Variants in NPC1 observed in about 807,000 individuals in gnomAD.
NPC1 encodes the protein NPC intracellular cholesterol transporter 1.
NPC1 carries 85 observed loss-of-function variants against 140.4 expected under a neutral mutation model. The observed-to-expected ratio is 0.61, with a 90% CI of 0.51 to 0.72. NPC1 has a LOEUF of 0.72. NPC1 is among the 30% of genes least tolerant of loss of function. The pLI is 0.00. For missense variants in NPC1, 1,504 were observed against 1,623.8 expected (o/e 0.93, Z 1.27); for synonymous variants, 656 against 624.8 (o/e 1.05, Z -0.74).
At position 23,541,050 on chromosome 18, in the gene NPC1, CCA is replaced by C; in HGVS notation, c.2514+16_2514+17del. On this transcript the variant is annotated intron_variant, in intron 16 of 24. Transcript: ENST00000269228. Reference sequence around the variant, plus strand: ...GTTTCAGTGAGAGGAAAGAGAAAAACCACAGATAAGCGCATACCACAATTGGT... The same window carrying C: ...GTTTCAGTGAGAGGAAAGAGAAAAACCAGATAAGCGCATACCACAATTGGT... 1 of 1,613,914 alleles carries C rather than the reference CCA, an allele frequency of 6.2e-7. No individual in the cohort carries two copies. The highest frequency in any genetic ancestry group is 8.5e-7 in the Non-Finnish European group (1 of 1,179,852).
intron 1 of NPC1, among the ~76,000 whole-genome samples, chr18:23,585,154 T>C (rs945826235): frequency 6.6e-6 from 1 of 152,232 alleles, no homozygotes; most frequent in African/African-American, 2.4e-5. Flanking sequence ...CTCTCTTTTT[T>C]GTTTTGACAC....
chr18:23,515,379 A>T (rs1359759722), intron 3 of NPC1, among the ~76,000 whole-genome samples: 6 of 152,166 alleles, frequency 3.9e-5, no homozygotes, highest in Admixed American at 3.9e-4. Flanking sequence ...AGAGTAAATG[A>T]GTTAGGAGGC....
chr18:23,539,004 T>TA (rs2058673219), intron 19 of NPC1: 1 of 448,560 alleles, frequency 2.2e-6, no homozygotes, highest in Non-Finnish European at 4.1e-6. Context: ...TCGACGCTCC[T>TA]ACAAAACCAC....
At chr18:23,574,989 A>T (rs1242460451) in intron 1 of NPC1, among the ~76,000 whole-genome samples, 1 of 152,264 alleles carries the variant, frequency 6.6e-6, no homozygotes, top group Non-Finnish European at 1.5e-5. Context: ...TTGAAAAGGC[A>T]AAAGCTGACT....
intron 1 of NPC1, among the ~76,000 whole-genome samples, chr18:23,582,427 C>T (rs147086420): frequency 7.9e-5 from 12 of 152,334 alleles, no homozygotes; most frequent in Middle Eastern, 3.4e-3. Context: ...TAGAAACCAA[C>T]TGCAAATCCA....
At chr18:23,564,407 A>G (rs1227048259) in intron 4 of NPC1, among the ~76,000 whole-genome samples, 5 of 152,094 alleles carry the variant, frequency 3.3e-5, no homozygotes, top group African/African-American at 1.2e-4. Flanking sequence ...CGAGGTACTT[A>G]GTGCAGCCTC....
At chr18:23,506,874 G>A (rs2057729814) in intron 3 of NPC1, 6 of 830,580 alleles carry the variant, frequency 7.2e-6, no homozygotes, top group Middle Eastern at 3.4e-4. Flanking sequence ...AGAATTTGCT[G>A]CCTCCTGAAT....
At chr18:23,529,466 T>TA, downstream of NPC1, 1 of 1,258,478 alleles carries the variant, frequency 7.9e-7, no homozygotes, top group Non-Finnish European at 1.1e-6. Flanking sequence ...TGCTGAGGCC[T>TA]AAAGCATAAT....
At chr18:23,540,100 TG>T (rs2058692231) in intron 17 of NPC1, 99 bp from the exon 18 acceptor site, 1 of 1,016,680 alleles carries the variant, frequency 9.8e-7, no homozygotes, top group African/African-American at 1.6e-5. Context: ...AGGAGGTTCC[TG>T]GCTGAGATGC....
chr18:23,551,797 A>G, intron 9 of NPC1, 70 bp from the exon 10 acceptor site: 1 of 1,029,096 alleles, frequency 9.7e-7, no homozygotes, highest in Non-Finnish European at 1.5e-6. Context: ...AAACATTTAC[A>G]CAGTGAACAT....
At chr18:23,524,819 T>C, downstream of NPC1, among the ~76,000 whole-genome samples, 1 of 151,698 alleles carries the variant, frequency 6.6e-6, no homozygotes, top group Non-Finnish European at 1.5e-5. Flanking sequence ...TTCCCACCGG[T>C]GTCCGTGCCC....
At chr18:23,525,511 A>G (rs192563447), downstream of NPC1, among the ~76,000 whole-genome samples, 718 of 151,818 alleles carry the variant, frequency 4.7e-3, 4 homozygotes, top group Admixed American at 7.9e-3. Flanking sequence ...TGCAACCTCC[A>G]ACTCCTGGGT....
At chr18:23,572,898 T>C (rs1186028109) in intron 2 of NPC1, among the ~76,000 whole-genome samples, 1 of 152,242 alleles carries the variant, frequency 6.6e-6, no homozygotes, top group East Asian at 1.9e-4. Context: ...TCATGTCGAC[T>C]TGACTTTTGA....
downstream of NPC1, chr18:23,530,719 A>G: frequency 9.7e-7 from 1 of 1,031,914 alleles, no homozygotes; most frequent in Non-Finnish European, 1.4e-6. Context: ...TGTAAACAAC[A>G]CAATTTGATA....
chr18:23,560,929 A>ACCTCTCTTACTGGGAGAAACTATGG (rs1192489075), intron 5 of NPC1, among the ~76,000 whole-genome samples: 1 of 152,172 alleles, frequency 6.6e-6, no homozygotes, highest in East Asian at 1.9e-4. Context: ...TGTACCAGTT[A>ACCTCTCTTACTGGGAGAAACTATGG]CCTCTCTTAC....
At chr18:23,586,046 C>T (rs1022688621) in intron 1 of NPC1, among the ~76,000 whole-genome samples, 1 of 152,328 alleles carries the variant, frequency 6.6e-6, no homozygotes, top group African/African-American at 2.4e-5. Context: ...AATTAGGTGA[C>T]CACAGATGGA....
chr18:23,546,248 C>CAAAA (rs60021403), intron 11 of NPC1, among the ~76,000 whole-genome samples: 44 of 45,584 alleles, frequency 9.7e-4, no homozygotes, highest in East Asian at 2.1e-3. Flanking sequence ...GACTCTGTCT[C>CAAAA]AAAAAAAAAA....
At chr18:23,567,054 A>C (rs1266627795) in intron 4 of NPC1, among the ~76,000 whole-genome samples, 1 of 152,172 alleles carries the variant, frequency 6.6e-6, no homozygotes, top group Non-Finnish European at 1.5e-5. Context: ...CACTGTGTGG[A>C]TGTAGCAGTT....
chr18:23,534,952 C>T (rs1038004128), intron 22 of NPC1, among the ~76,000 whole-genome samples: 1 of 152,136 alleles, frequency 6.6e-6, no homozygotes, highest in Non-Finnish European at 1.5e-5. Flanking sequence ...AATACCTTCT[C>T]AAGTGCTCTC....
Sources: gnomAD v4.1 joint callset for allele counts (sites outside exome capture counted in the v4.1 genomes callset) on GRCh38, gnomAD v4.1.1 for gene constraint, MANE v1.5 for transcripts, NCBI Gene and HGNC (gene_info 2026-07-23, HGNC 2026-07-21) for gene names.